The following STXBP5L variants were observed in gnomAD, a reference collection of about 807,000 sequenced individuals.
STXBP5L encodes the protein syntaxin binding protein 5L.
Under a neutral mutation model 144.5 loss-of-function variants are expected in STXBP5L, and 65 were observed. The ratio of observed to expected loss-of-function variants is 0.45; its 90% CI spans 0.37 to 0.55. STXBP5L has a LOEUF of 0.55. STXBP5L is among the 20% of genes least tolerant of loss of function. The probability of loss-of-function intolerance (pLI) is 0.00; values close to 1 mark genes in which losing one functional copy is unlikely to be tolerated. For synonymous variants in STXBP5L, 505 were observed against 469.6 expected (o/e 1.08, Z -0.97); for missense variants, 1,298 against 1,405.5 (o/e 0.92, Z 1.22).
intron 9 of STXBP5L, among the ~76,000 whole-genome samples, chr3:121,181,996 C>G (rs1381374644): frequency 6.6e-6 from 1 of 151,050 alleles, no homozygotes; most frequent in Non-Finnish European, 1.5e-5. Context: ...ATATATGTAC[C>G]TAACACTGGT....
intron 3 of STXBP5L, among the ~76,000 whole-genome samples, chr3:120,961,279 T>G (rs1171427731): frequency 6.6e-6 from 1 of 151,828 alleles, no homozygotes; most frequent in Non-Finnish European, 1.5e-5. Flanking sequence ...TTTTTGTTTT[T>G]TTTTTTTAAT....
At chr3:121,144,694 G>A (rs1021616439) in intron 7 of STXBP5L, among the ~76,000 whole-genome samples, 3 of 151,942 alleles carry the variant, frequency 2.0e-5, no homozygotes, top group African/African-American at 4.8e-5. Context: ...CCAATATGTG[G>A]AAATGGCCTA....
chr3:121,169,762 C>G (rs940438810), intron 9 of STXBP5L, among the ~76,000 whole-genome samples: 3 of 152,184 alleles, frequency 2.0e-5, no homozygotes, highest in Non-Finnish European at 4.4e-5. Context: ...CTTCAACACT[C>G]TACTGTCTAT....
At chr3:121,367,679 C>A (rs1208089699) in intron 20 of STXBP5L, among the ~76,000 whole-genome samples, 2 of 134,800 alleles carry the variant, frequency 1.5e-5, no homozygotes, top group African/African-American at 2.8e-5. Context: ...TTGATCATGG[C>A]TTCTAGCAGC....
At chr3:120,916,865 G>A (rs1353975048) in intron 2 of STXBP5L, among the ~76,000 whole-genome samples, 1 of 152,048 alleles carries the variant, frequency 6.6e-6, no homozygotes, top group African/African-American at 2.4e-5. Context: ...ATTGGTTAAT[G>A]TTCAGTTTAC....
chr3:121,403,484 GT>G (rs1434040168), intron 22 of STXBP5L, among the ~76,000 whole-genome samples: 1 of 151,852 alleles, frequency 6.6e-6, no homozygotes, highest in East Asian at 1.9e-4. Flanking sequence ...TATAATAAAT[GT>G]TTTTCTTTCT....
At chr3:121,331,428 A>T (rs188646835) in intron 20 of STXBP5L, among the ~76,000 whole-genome samples, 1 of 152,316 alleles carries the variant, frequency 6.6e-6, no homozygotes, top group East Asian at 1.9e-4. Flanking sequence ...CAGAAGGAGC[A>T]TCCTCCAAGT....
At chr3:120,952,508 A>T (rs1332805975) in intron 2 of STXBP5L, among the ~76,000 whole-genome samples, 2 of 151,578 alleles carry the variant, frequency 1.3e-5, no homozygotes, top group African/African-American at 4.8e-5. Flanking sequence ...TTGACTTTTT[A>T]TTTTTTTAAT....
chr3:121,157,754 C>A, intron 9 of STXBP5L, 127 bp downstream of exon 9: 2 of 1,242,034 alleles, frequency 1.6e-6, no homozygotes, highest in Non-Finnish European at 2.2e-6. Flanking sequence ...TCTAAACATC[C>A]CTTTTATACC....
intron 26 of STXBP5L, 131 bp downstream of exon 26, chr3:121,418,688 T>C: frequency 1.1e-6 from 1 of 886,958 alleles, no homozygotes; most frequent in South Asian, 1.8e-5. Flanking sequence ...CCTAGATCTC[T>C]TCTAAGTATT....
intron 2 of STXBP5L, among the ~76,000 whole-genome samples, chr3:120,952,164 G>A (rs544084561): frequency 4.0e-5 from 6 of 148,590 alleles, no homozygotes; most frequent in Non-Finnish European, 5.9e-5. Context: ...GTGGGGTGGG[G>A]GGATGGGGGA....
intron 20 of STXBP5L, among the ~76,000 whole-genome samples, chr3:121,351,401 G>A (rs1034648454): frequency 2.6e-5 from 4 of 152,076 alleles, no homozygotes; most frequent in African/African-American, 9.7e-5. Context: ...GGCTACTCAG[G>A]GGTTAGGGAC....
chr3:121,324,711 T>G (rs1273911974), intron 20 of STXBP5L: 2 of 536,878 alleles, frequency 3.7e-6, no homozygotes, highest in Non-Finnish European at 6.5e-6. Context: ...TCCTTCATGG[T>G]GTATGAAAAC....
At chr3:121,043,020 G>C (rs1947266005) in intron 4 of STXBP5L, among the ~76,000 whole-genome samples, 1 of 151,734 alleles carries the variant, frequency 6.6e-6, no homozygotes, top group South Asian at 2.1e-4. Context: ...GTTTCCATGT[G>C]ATTTGTACTG....
At chr3:121,314,711 G>A (rs1031245113) in intron 19 of STXBP5L, among the ~76,000 whole-genome samples, 2 of 152,014 alleles carry the variant, frequency 1.3e-5, no homozygotes, top group African/African-American at 4.8e-5. Context: ...TACAAAATGG[G>A]AGAAAATTTT....
chr3:121,387,219 G>T (rs1260490531), intron 22 of STXBP5L, among the ~76,000 whole-genome samples: 1 of 152,152 alleles, frequency 6.6e-6, no homozygotes, highest in Non-Finnish European at 1.5e-5. Context: ...AGAAGTGTCT[G>T]TTCAAATCCT....
chr3:121,157,706 C>T (rs766909404), intron 9 of STXBP5L, 79 bp downstream of exon 9: 211 of 1,517,972 alleles, frequency 1.4e-4, no homozygotes, highest in Middle Eastern at 1.7e-4. Context: ...GGTATTAATG[C>T]GTTTGGTAGA....
chr3:121,184,021 C>A (rs950348691), intron 9 of STXBP5L, among the ~76,000 whole-genome samples: 5 of 151,766 alleles, frequency 3.3e-5, no homozygotes, highest in African/African-American at 1.2e-4. Flanking sequence ...GCATCGACAC[C>A]AACAAAAAGG....
chr3:121,204,096 G>T (rs561986780), intron 9 of STXBP5L, among the ~76,000 whole-genome samples: 1 of 152,138 alleles, frequency 6.6e-6, no homozygotes, highest in Admixed American at 6.5e-5. Context: ...AAAATTAGCC[G>T]GGCATGGTGG....
Sources: allele counts gnomAD v4.1 joint callset (sites outside exome capture counted in the v4.1 genomes callset), GRCh38; gene constraint gnomAD v4.1.1; transcripts MANE v1.5; gene names NCBI Gene and HGNC (gene_info 2026-07-23, HGNC 2026-07-21).